Variants in DPYD observed in about 807,000 individuals in gnomAD.
DPYD encodes the protein dihydropyrimidine dehydrogenase.
Under a neutral mutation model 116.2 loss-of-function variants are expected in DPYD, and 109 were observed. The ratio of observed to expected loss-of-function variants is 0.94; its 90% CI spans 0.80 to 1.10. The LOEUF is 1.10. DPYD is among the 50% of genes least tolerant of loss of function. The pLI is 0.00. For missense variants in DPYD, 1,302 were observed against 1,254.5 expected (o/e 1.04, Z -0.57); for synonymous variants, 440 against 432.0 (o/e 1.02, Z -0.23).
At chr1:97,092,397 A>G (rs1306422901) in intron 21 of DPYD, among the ~76,000 whole-genome samples, 1 of 152,194 alleles carries the variant, frequency 6.6e-6, no homozygotes, top group East Asian at 1.9e-4. Context: ...AAACAATACA[A>G]AGTATTGGTA....
At chr1:97,272,747 C>T (rs376873905) in intron 18 of DPYD, among the ~76,000 whole-genome samples, 2 of 151,954 alleles carry the variant, frequency 1.3e-5, no homozygotes, top group Non-Finnish European at 2.9e-5. Flanking sequence ...GGAAAAGATA[C>T]GTTACTACAA....
At chr1:97,670,627 C>A (rs944581281) in intron 8 of DPYD, among the ~76,000 whole-genome samples, 2 of 152,146 alleles carry the variant, frequency 1.3e-5, no homozygotes, top group Non-Finnish European at 2.9e-5. Context: ...CCAGTCTATG[C>A]TATTTTGGCA....
At chr1:97,618,238 C>T (rs1400359030) in intron 8 of DPYD, among the ~76,000 whole-genome samples, 2 of 151,992 alleles carry the variant, frequency 1.3e-5, no homozygotes, top group African/African-American at 2.4e-5. Context: ...CATTCCAATC[C>T]TTTTCAATTA....
At position 97,728,516 on chromosome 1, in the gene DPYD, T is replaced by C. The variant is rs894717429; in HGVS notation, c.322-6845A>G. On this transcript the variant is annotated intron_variant, in intron 4 of 22. Coordinates refer to ENST00000370192, the MANE Select transcript of DPYD (RefSeq NM_000110.4). ...ATAACTAATTTAACAAATAGTCCTATCATATTCAAGTCTTCATATCACTAC... is the reference window on the plus strand; with the variant it reads ...ATAACTAATTTAACAAATAGTCCTACCATATTCAAGTCTTCATATCACTAC... Among the ~76,000 whole-genome samples, 4 of 152,092 alleles carry C rather than the reference T, an allele frequency of 2.6e-5. No individual in the cohort carries two copies. The East Asian group carries it at 5.8e-4, about 22-fold the overall frequency.
intron 16 of DPYD, among the ~76,000 whole-genome samples, chr1:97,332,404 C>T (rs1669056493): frequency 6.6e-6 from 1 of 152,062 alleles, no homozygotes; most frequent in Admixed American, 6.6e-5. Context: ...GTATTTTTAG[C>T]AATATAATAA....
intron 3 of DPYD, among the ~76,000 whole-genome samples, chr1:97,790,489 C>G (rs1284391653): frequency 6.6e-6 from 1 of 152,152 alleles, no homozygotes; most frequent in East Asian, 1.9e-4. Flanking sequence ...ACAATGTTTT[C>G]ATGGAGGGCA....
intron 14 of DPYD, among the ~76,000 whole-genome samples, chr1:97,443,728 T>A (rs1306681295): frequency 6.6e-6 from 1 of 152,246 alleles, no homozygotes; most frequent in Admixed American, 6.5e-5. Flanking sequence ...ACAGATATAG[T>A]TTCACCTGTT....
At chr1:97,216,188 C>G (rs946767366) in intron 19 of DPYD, among the ~76,000 whole-genome samples, 4 of 152,150 alleles carry the variant, frequency 2.6e-5, no homozygotes, top group African/African-American at 7.2e-5. Flanking sequence ...ATTCATGTCT[C>G]TGTCTCAAAA....
At chr1:97,802,010 T>G (rs1245161669) in intron 3 of DPYD, among the ~76,000 whole-genome samples, 1 of 151,894 alleles carries the variant, frequency 6.6e-6, no homozygotes, top group African/African-American at 2.4e-5. Flanking sequence ...AAATTAAAAT[T>G]CATCAGTATA....
chr1:97,451,255 T>G (rs1676396780), intron 13 of DPYD, among the ~76,000 whole-genome samples: 1 of 152,150 alleles, frequency 6.6e-6, no homozygotes, highest in Admixed American at 6.6e-5. Flanking sequence ...CAGGAAACCT[T>G]AATTAGCATT....
At chr1:97,874,927 C>A (rs574301970) in intron 2 of DPYD, among the ~76,000 whole-genome samples, 1 of 151,982 alleles carries the variant, frequency 6.6e-6, no homozygotes, top group East Asian at 1.9e-4. Flanking sequence ...ACTTTCTTAT[C>A]AGATTAACTA....
intron 3 of DPYD, among the ~76,000 whole-genome samples, chr1:97,748,215 A>T (rs1664665006): frequency 6.6e-6 from 1 of 152,152 alleles, no homozygotes; most frequent in South Asian, 2.1e-4. Context: ...AGATAGAGAA[A>T]CTTATGCTGA....
rs1283269160 is a variant in DPYD, at chr1:97,538,055, G to T, written c.1524+11505C>A. The stretch of plus-strand genomic sequence containing the variant: ...GCACTCCAGCCTGGGCAACAATAGT[G>T]AAACTCTGTCTCAAAAAAAAAAAAA... On this transcript the variant is annotated intron_variant, in intron 12 of 22. Transcript: ENST00000370192. 2.9e-5 allele frequency among the ~76,000 whole-genome samples: 4 copies of T among 139,198 alleles called. No individual in the cohort carries two copies. In the East Asian group the frequency reaches 8.3e-4, roughly 29 times the overall value. 91.3% of individuals were successfully genotyped at this position (139,198 alleles called of 152,430 possible).
chr1:97,398,215 C>A (rs577063371), intron 14 of DPYD, among the ~76,000 whole-genome samples: 1 of 151,978 alleles, frequency 6.6e-6, no homozygotes, highest in African/African-American at 2.4e-5. Flanking sequence ...TCTGTCCTTG[C>A]GATAGTGTGC....
chr1:97,288,612 G>A (rs1366996821), intron 18 of DPYD, among the ~76,000 whole-genome samples: 1 of 150,342 alleles, frequency 6.7e-6, no homozygotes, highest in Non-Finnish European at 1.5e-5. Context: ...AATGAAGGCA[G>A]AAATAAAGAT....
intron 16 of DPYD, among the ~76,000 whole-genome samples, chr1:97,365,029 G>T (rs1670949845): frequency 1.3e-5 from 2 of 152,132 alleles, no homozygotes; most frequent in African/African-American, 4.8e-5. Flanking sequence ...CTTTGTGAAG[G>T]TGGTGCCTCT....
In DPYD at chr1:97,497,874, T is replaced by C. The variant is rs576662499; in HGVS notation, c.1740+17852A>G. ...ATATATATGTATCTCCCCTCAAAAC[T>C]TACATATGAATGAAGAAATATTTAT... On this transcript the variant is annotated intron_variant, in intron 13 of 22. Coordinates refer to ENST00000370192, the MANE Select transcript of DPYD (RefSeq NM_000110.4). Among the ~76,000 whole-genome samples, 6 of 151,652 alleles carry C rather than the reference T, an allele frequency of 4.0e-5. 1 individual carries two copies. In the South Asian group the frequency reaches 1.2e-3, roughly 32 times the overall value.
At chr1:97,757,973 A>T (rs958090838) in intron 3 of DPYD, among the ~76,000 whole-genome samples, 4 of 152,156 alleles carry the variant, frequency 2.6e-5, no homozygotes. Context: ...AATTCTCATA[A>T]TACGCACTGC....
In DPYD at chr1:97,110,728, C is replaced by G. The variant is rs116012840; in HGVS notation, c.2623-12096G>C. 7.5e-3 allele frequency among the ~76,000 whole-genome samples: 1,146 copies of G among 152,180 alleles called. 16 individuals are homozygous for G. The highest frequency in any genetic ancestry group is 0.026 in the African/African-American group (1,099 of 41,522). ...AACATATCCTTTTCAGGAATTTGTCCTCCATTCCAAACAATTGAAATGCTT... is the reference window on the plus strand; with the variant it reads ...AACATATCCTTTTCAGGAATTTGTCGTCCATTCCAAACAATTGAAATGCTT... On this transcript the variant is annotated intron_variant, in intron 20 of 22. Coordinates refer to ENST00000370192, the MANE Select transcript of DPYD (RefSeq NM_000110.4).
Sources: gnomAD v4.1 joint callset for allele counts (sites outside exome capture counted in the v4.1 genomes callset) on GRCh38, gnomAD v4.1.1 for gene constraint, MANE v1.5 for transcripts, NCBI Gene and HGNC (gene_info 2026-07-23, HGNC 2026-07-21) for gene names.